The following LAMA4 variants were observed in gnomAD, a reference collection of about 807,000 sequenced individuals.
The protein encoded by LAMA4 is laminin subunit alpha-4.
A neutral mutation model predicts 207.1 loss-of-function variants in LAMA4; 127 were observed. The observed-to-expected ratio is 0.61, with a 90% CI of 0.53 to 0.71. LAMA4 has a LOEUF of 0.71. Among genes scored for constraint, LAMA4 ranks in the 30% least tolerant of loss-of-function variants. LAMA4 has a pLI of 0.00. For missense variants in LAMA4, 2,093 were observed against 2,246.5 expected (o/e 0.93, Z 1.38); for synonymous variants, 761 against 816.0 (o/e 0.93, Z 1.15).
At chr6:112,165,017 G>T in intron 13 of LAMA4, 143 bp downstream of exon 13, 1 of 723,984 alleles carries the variant, frequency 1.4e-6, no homozygotes, top group Admixed American at 1.9e-5. Context: ...ATCGTACAGT[G>T]CAAGAAACTA....
intron 5 of LAMA4, among the ~76,000 whole-genome samples, chr6:112,192,316 G>A (rs1247226273): frequency 6.6e-6 from 1 of 152,248 alleles, no homozygotes; most frequent in Non-Finnish European, 1.5e-5. Flanking sequence ...TTCAGTGCCT[G>A]CTATTCTCCT....
In LAMA4 at chr6:112,253,769, C is replaced by G. The variant is rs782654204; in HGVS notation, c.195+187G>C. Reference sequence around the variant, plus strand: ...CATTCCGAAGCCTCAACTTTCAACTCTCAACATCCAAATGCAACTTACAAA... The same window carrying G: ...CATTCCGAAGCCTCAACTTTCAACTGTCAACATCCAAATGCAACTTACAAA... On this transcript the variant is annotated intron_variant, in intron 2 of 38. Coordinates refer to ENST00000230538, the MANE Select transcript of LAMA4 (RefSeq NM_001105206.3). 2.5e-6 allele frequency: 4 copies of G among 1,614,070 alleles called. No homozygotes were observed. The South Asian group carries it at 3.3e-5, about 13-fold the overall frequency.
chr6:112,140,977 T>A lies in LAMA4; in HGVS notation c.2814-55A>T. The A allele has an allele frequency of 3.3e-6, 5 of 1,500,522 alleles. No homozygotes were observed. The South Asian group carries it at 5.7e-5, about 17-fold the overall frequency. The allele number at this position is 1,500,522 out of a possible 1,614,324, so 93.0% of individuals were successfully genotyped here. On this transcript the variant is annotated intron_variant, in intron 21 of 38. Transcript: ENST00000230538. ...TTATATAATTCATAGAAAATACTTTTTAAATGTCAAAATGTTAATGCTCCC... is the reference window on the plus strand; with the variant it reads ...TTATATAATTCATAGAAAATACTTTATAAATGTCAAAATGTTAATGCTCCC...
intron 2 of LAMA4, among the ~76,000 whole-genome samples, chr6:112,251,926 C>T (rs903323504): frequency 2.0e-5 from 3 of 152,208 alleles, no homozygotes; most frequent in Middle Eastern, 3.4e-3. Context: ...TAATTCACTA[C>T]GTGACATTTT....
intron 10 of LAMA4, among the ~76,000 whole-genome samples, chr6:112,177,001 A>G (rs1352162194): frequency 1.3e-5 from 2 of 152,228 alleles, no homozygotes; most frequent in Non-Finnish European, 2.9e-5. Context: ...ATGGCTTACT[A>G]GGGTCCTGGC....
At chr6:112,214,231 T>C (rs1264631493) in intron 3 of LAMA4, among the ~76,000 whole-genome samples, 2 of 152,076 alleles carry the variant, frequency 1.3e-5, no homozygotes, top group Admixed American at 1.3e-4. Context: ...AATATAAATA[T>C]ATCTTTTTTC....
At chr6:112,189,598 C>T (rs1782896663) in intron 6 of LAMA4, among the ~76,000 whole-genome samples, 1 of 152,170 alleles carries the variant, frequency 6.6e-6, no homozygotes, top group Admixed American at 6.5e-5. Context: ...CAGACTGATA[C>T]TCCAGTTTAA....
intron 30 of LAMA4, 41 bp from the exon 31 acceptor site, chr6:112,129,116 T>C: frequency 6.5e-7 from 1 of 1,529,860 alleles, no homozygotes; most frequent in Non-Finnish European, 9.0e-7. Context: ...TTAAAAATAT[T>C]GTTCAGAATT....
At chr6:112,214,091 G>C (rs782017034) in intron 3 of LAMA4, 3 of 717,982 alleles carry the variant, frequency 4.2e-6, no homozygotes, top group Non-Finnish European at 7.7e-6. Flanking sequence ...GGCACCAAAG[G>C]AAACAGAAAA....
intron 1 of LAMA4, 41 bp downstream of exon 1, chr6:112,254,418 A>G: frequency 1.9e-6 from 1 of 517,790 alleles, no homozygotes; most frequent in Non-Finnish European, 3.5e-6. Flanking sequence ...TCCTTCCCGC[A>G]GAGGTTCTGG....
Position 112,254,221 on chromosome 6 carries a change from G to GT in LAMA4, c.-72dup. 6.3e-7 allele frequency: 1 copy of GT among 1,592,158 alleles called. No individual in the cohort carries two copies. The highest frequency in any genetic ancestry group is 1.3e-5 in the African/African-American group (1 of 74,706). On this transcript the variant is annotated 5_prime_UTR_variant, in exon 2 of 39. Transcript: ENST00000230538. Reference sequence around the variant, plus strand: ...TGGGTCTCCGTAGGTCTCCCGCGTGGTGCGGCGGTGCCTCGCTTATTTTCC... The same window carrying GT: ...TGGGTCTCCGTAGGTCTCCCGCGTGGTTGCGGCGGTGCCTCGCTTATTTTCC...
Position 112,129,910 on chromosome 6 carries a change from AATTAGC to A in LAMA4, c.4093_4098del (p.Ala1365_Asn1366del). On this transcript the variant is annotated inframe_deletion, in exon 30 of 39. Transcript: ENST00000230538. ...TAGGCATTACTTATGCAGCCAGTGA[AATTAGC>A]ATACTGAGCACTGATTGGTGAGCCA... 1 of 1,611,848 alleles carries A rather than the reference AATTAGC, an allele frequency of 6.2e-7. No homozygotes were observed. Among genetic ancestry groups the A allele is most frequent in the Non-Finnish European group, 8.5e-7 (1 of 1,178,810 alleles).
intron 9 of LAMA4, among the ~76,000 whole-genome samples, chr6:112,181,010 G>A (rs1782325174): frequency 6.6e-6 from 1 of 152,076 alleles, no homozygotes; most frequent in Non-Finnish European, 1.5e-5. Flanking sequence ...ATTCGTGTTC[G>A]TAGTCTTAGT....
intron 3 of LAMA4, chr6:112,213,894 A>T: frequency 3.8e-6 from 2 of 528,816 alleles, no homozygotes; most frequent in Admixed American, 6.0e-5. Context: ...GGTTGCTTAC[A>T]GGAAATGAGA....
chr6:112,253,469 C>T (rs1477363406), intron 2 of LAMA4: 1 of 379,496 alleles, frequency 2.6e-6, no homozygotes, highest in Non-Finnish European at 5.0e-6. Context: ...CATGACCAGC[C>T]ACTCTCACTC....
At position 112,124,607 on chromosome 6, in the gene LAMA4, G is replaced by C. The variant is rs183418522; in HGVS notation, c.4288-2406C>G. Among the ~76,000 whole-genome samples, 7 of 152,176 alleles carry C rather than the reference G, an allele frequency of 4.6e-5. No homozygotes were observed. In the East Asian group the frequency reaches 1.3e-3, roughly 29 times the overall value. On this transcript the variant is annotated intron_variant, in intron 31 of 38. Coordinates refer to ENST00000230538, the MANE Select transcript of LAMA4 (RefSeq NM_001105206.3). ...TCCACTAGACTTTGGCTTTATCAGTGTAATTTTTTGTTTTCTCTGTGGGCC... is the reference window on the plus strand; with the variant it reads ...TCCACTAGACTTTGGCTTTATCAGTCTAATTTTTTGTTTTCTCTGTGGGCC...
At chr6:112,128,807 T>C in intron 31 of LAMA4, 115 bp downstream of exon 31, 1 of 831,236 alleles carries the variant, frequency 1.2e-6, no homozygotes, top group Non-Finnish European at 2.0e-6. Flanking sequence ...GAATCCCATC[T>C]TTCCTATGTA....
At chr6:112,224,887 T>C (rs79710463) in intron 2 of LAMA4, among the ~76,000 whole-genome samples, 1,510 of 150,548 alleles carry the variant, frequency 0.01, 32 homozygotes, top group African/African-American at 0.035. Context: ...TCTCCTGATT[T>C]CCAGGACAAC....
rs1777534202 is a variant in LAMA4 at position 112,108,454 on chromosome 6, G to A, written c.*983C>T. ...TTTTGAGACAGGATCTCACTCTGTTGCCCAGGCTGGAGTGCAGGTACAGTC... is the reference window on the plus strand; with the variant it reads ...TTTTGAGACAGGATCTCACTCTGTTACCCAGGCTGGAGTGCAGGTACAGTC... On this transcript the variant is annotated 3_prime_UTR_variant, in exon 39 of 39. Coordinates refer to ENST00000230538, the MANE Select transcript of LAMA4 (RefSeq NM_001105206.3). Among the ~76,000 whole-genome samples, 2 of 152,132 alleles carry A rather than the reference G, an allele frequency of 1.3e-5. No homozygotes were observed. The highest frequency in any genetic ancestry group is 1.3e-4 in the Admixed American group (2 of 15,262).
Sources: gnomAD v4.1 joint callset for allele counts (sites outside exome capture counted in the v4.1 genomes callset) on GRCh38, gnomAD v4.1.1 for gene constraint, MANE v1.5 for transcripts, NCBI Gene and HGNC (gene_info 2026-07-23, HGNC 2026-07-21) for gene names.